The following DAAM1 variants were observed in gnomAD, a reference collection of about 807,000 sequenced individuals.
DAAM1 encodes the protein disheveled-associated activator of morphogenesis 1.
In DAAM1, 52 loss-of-function variants were observed where a neutral mutation model predicts 130.0. The observed-to-expected ratio is 0.40, with a 90% CI of 0.32 to 0.50. The LOEUF is 0.50. DAAM1 is among the 20% of genes least tolerant of loss of function. DAAM1 has a pLI of 0.61. For synonymous variants in DAAM1, 452 were observed against 444.5 expected, an observed-to-expected ratio of 1.02 and a Z score of -0.21; for missense variants, 1,134 against 1,303.8, an observed-to-expected ratio of 0.87 and a Z score of 2.01.
chr14:59,291,176 T>A (rs1223802144), intron 2 of DAAM1, 41 bp from the exon 3 acceptor site: 1 of 1,514,516 alleles, frequency 6.6e-7, no homozygotes, highest in Non-Finnish European at 9.0e-7. Context: ...ACAGGAATAA[T>A]GTTTATCCTA....
At chr14:59,228,881 C>T (rs2139440405) in intron 1 of DAAM1, among the ~76,000 whole-genome samples, 1 of 152,318 alleles carries the variant, frequency 6.6e-6, no homozygotes, top group Non-Finnish European at 1.5e-5. Flanking sequence ...ATTCTAGTGG[C>T]AGTCCATTGG....
intron 1 of DAAM1, among the ~76,000 whole-genome samples, chr14:59,247,438 T>C (rs1232098714): frequency 6.6e-6 from 1 of 152,214 alleles, no homozygotes; most frequent in Non-Finnish European, 1.5e-5. Flanking sequence ...CGTTGGGATT[T>C]TGATAGGGAT....
intron 3 of DAAM1, among the ~76,000 whole-genome samples, chr14:59,314,103 T>C (rs940779364): frequency 6.6e-6 from 1 of 152,256 alleles, no homozygotes; most frequent in African/African-American, 2.4e-5. Flanking sequence ...GAAAGTGTTT[T>C]TTCGAGGCAC....
At chr14:59,229,163 G>A (rs944709952) in intron 1 of DAAM1, among the ~76,000 whole-genome samples, 1 of 152,170 alleles carries the variant, frequency 6.6e-6, no homozygotes, top group African/African-American at 2.4e-5. Context: ...AGCAGTGGAA[G>A]ATATTTTGAT....
intron 21 of DAAM1, 75 bp from the exon 22 acceptor site, chr14:59,360,727 A>C: frequency 7.7e-7 from 1 of 1,301,256 alleles, no homozygotes; most frequent in Non-Finnish European, 1.1e-6. Context: ...TCCAAGCGTG[A>C]AATATTTAAA....
At chr14:59,196,208 A>G (rs1032851398) in intron 1 of DAAM1, among the ~76,000 whole-genome samples, 2 of 152,136 alleles carry the variant, frequency 1.3e-5, no homozygotes, top group Non-Finnish European at 2.9e-5. Flanking sequence ...TTCTGGACTT[A>G]CTCTTAGATA....
chr14:59,367,632 C>G (rs1458123275), intron 24 of DAAM1, 33 bp downstream of exon 24: 9 of 1,598,046 alleles, frequency 5.6e-6, no homozygotes, highest in Non-Finnish European at 2.6e-6. Flanking sequence ...AATTCCACCT[C>G]CTAGAAGTTC....
intron 22 of DAAM1, among the ~76,000 whole-genome samples, chr14:59,361,256 T>C (rs2139683965): frequency 6.6e-6 from 1 of 152,280 alleles, no homozygotes; most frequent in East Asian, 1.9e-4. Flanking sequence ...TCTCAGTTGT[T>C]TTTGACTTGG....
intron 1 of DAAM1, among the ~76,000 whole-genome samples, chr14:59,231,176 C>T (rs1397044986): frequency 6.6e-6 from 1 of 152,156 alleles, no homozygotes; most frequent in Admixed American, 6.6e-5. Flanking sequence ...TATTTTCCCA[C>T]TTAATATTTT....
chr14:59,245,096 A>G (rs1313685966), intron 1 of DAAM1, among the ~76,000 whole-genome samples: 1 of 152,194 alleles, frequency 6.6e-6, no homozygotes, highest in Non-Finnish European at 1.5e-5. Flanking sequence ...AAATCATGAA[A>G]TGAATGTATA....
At chr14:59,352,279 C>G (rs1267121618) in intron 17 of DAAM1, among the ~76,000 whole-genome samples, 1 of 152,162 alleles carries the variant, frequency 6.6e-6, no homozygotes, top group African/African-American at 2.4e-5. Flanking sequence ...AGAACTCCCA[C>G]AATTCTGATT....
intron 1 of DAAM1, among the ~76,000 whole-genome samples, chr14:59,232,065 A>G (rs1889126781): frequency 6.6e-6 from 1 of 152,172 alleles, no homozygotes; most frequent in Non-Finnish European, 1.5e-5. Flanking sequence ...TAGCAAGTTA[A>G]TTCTCTTGGG....
intron 2 of DAAM1, among the ~76,000 whole-genome samples, chr14:59,285,333 A>G (rs1883395515): frequency 6.6e-6 from 1 of 152,140 alleles, no homozygotes; most frequent in Non-Finnish European, 1.5e-5. Context: ...AAATGAAAGA[A>G]CAATACCTGC....
intron 1 of DAAM1, among the ~76,000 whole-genome samples, chr14:59,261,711 C>T (rs1240319814): frequency 6.6e-6 from 1 of 152,164 alleles, no homozygotes; most frequent in Non-Finnish European, 1.5e-5. Flanking sequence ...TTTATGAGTG[C>T]TTTTACTTAT....
chr14:59,284,927 G>C (rs1203196563), intron 2 of DAAM1, among the ~76,000 whole-genome samples: 1 of 152,078 alleles, frequency 6.6e-6, no homozygotes, highest in Non-Finnish European at 1.5e-5. Context: ...CTCACTAGAG[G>C]GGTTGACGTG....
chr14:59,271,569 G>C (rs1303180116), intron 2 of DAAM1, among the ~76,000 whole-genome samples: 2 of 152,100 alleles, frequency 1.3e-5, no homozygotes, highest in African/African-American at 4.8e-5. Context: ...ATTCACTTGG[G>C]AACCTACATC....
chr14:59,289,462 AAAAGTC>A (rs1883621612), intron 2 of DAAM1, among the ~76,000 whole-genome samples: 1 of 152,154 alleles, frequency 6.6e-6, no homozygotes, highest in Non-Finnish European at 1.5e-5. Context: ...GCTATTATTT[AAAAGTC>A]AAAGAACAAC....
chr14:59,347,878 A>T (rs1030424043), intron 17 of DAAM1, among the ~76,000 whole-genome samples: 2 of 152,220 alleles, frequency 1.3e-5, no homozygotes, highest in African/African-American at 4.8e-5. Context: ...AGCTGCAATT[A>T]AGTCATTATA....
chr14:59,259,444 T>C (rs551719732), intron 1 of DAAM1, among the ~76,000 whole-genome samples: 1 of 152,290 alleles, frequency 6.6e-6, no homozygotes, highest in African/African-American at 2.4e-5. Flanking sequence ...CTATTTTAGC[T>C]TACTTAATTT....
Sources: allele counts gnomAD v4.1 joint callset (sites outside exome capture counted in the v4.1 genomes callset), GRCh38; gene constraint gnomAD v4.1.1; transcripts MANE v1.5; gene names NCBI Gene and HGNC (gene_info 2026-07-23, HGNC 2026-07-21).